The following RBPJ variants were observed in gnomAD, a reference collection of about 807,000 sequenced individuals.
RBPJ encodes recombination signal binding protein for immunoglobulin kappa J region, also known as recombining binding protein suppressor of hairless.
A neutral mutation model predicts 67.8 loss-of-function variants in RBPJ; 9 were observed. The ratio of observed to expected loss-of-function variants is 0.13; its 90% CI spans 0.08 to 0.23. RBPJ has a LOEUF of 0.23. Ranked by LOEUF, RBPJ falls within the 10% of genes least tolerant of loss-of-function variation. The pLI is 1.00. For missense variants in RBPJ, 305 were observed against 595.6 expected (o/e 0.51, Z 5.08); for synonymous variants, 198 against 203.3 (o/e 0.97, Z 0.22).
intron 1 of RBPJ, among the ~76,000 whole-genome samples, chr4:26,369,605 T>C (rs1280518448): frequency 2.0e-5 from 3 of 152,226 alleles, no homozygotes; most frequent in Non-Finnish European, 4.4e-5. Flanking sequence ...ATTATTTGAT[T>C]GTGATCTATG....
intron 1 of RBPJ, among the ~76,000 whole-genome samples, chr4:26,216,983 G>T (rs113859900): frequency 9.2e-4 from 140 of 152,250 alleles, no homozygotes; most frequent in African/African-American, 3.2e-3. Flanking sequence ...TTACACATGT[G>T]CTTTGTGGAG....
intron 1 of RBPJ, among the ~76,000 whole-genome samples, chr4:26,252,986 A>T (rs1038920895): frequency 7.9e-5 from 12 of 152,312 alleles, no homozygotes; most frequent in Middle Eastern, 3.4e-3. Flanking sequence ...TACCAAACTT[A>T]CATGTTTGCT....
chr4:26,286,915 T>C (rs933845513), intron 1 of RBPJ, among the ~76,000 whole-genome samples: 3 of 151,924 alleles, frequency 2.0e-5, no homozygotes, highest in Admixed American at 1.3e-4. Flanking sequence ...GCTTCCCAAG[T>C]AGCTGGGATC....
chr4:26,164,507 C>T (rs573089762), intron 1 of RBPJ, among the ~76,000 whole-genome samples: 5 of 152,306 alleles, frequency 3.3e-5, no homozygotes, highest in African/African-American at 1.2e-4. Context: ...CACTGTCTGC[C>T]AATTTTTATT....
At chr4:26,198,236 A>G (rs1260935018) in intron 1 of RBPJ, among the ~76,000 whole-genome samples, 1 of 150,248 alleles carries the variant, frequency 6.7e-6, no homozygotes, top group Non-Finnish European at 1.5e-5. Context: ...CTTGGGCAAC[A>G]AGAGCGAAAC....
chr4:26,167,397 AG>A (rs1716361197), intron 1 of RBPJ, among the ~76,000 whole-genome samples: 1 of 149,110 alleles, frequency 6.7e-6, no homozygotes, highest in African/African-American at 2.5e-5. Flanking sequence ...TTCATTGAGC[AG>A]TGGTTTGTAG....
intron 1 of RBPJ, among the ~76,000 whole-genome samples, chr4:26,205,418 T>G (rs557512323): frequency 7.9e-5 from 12 of 152,226 alleles, no homozygotes; most frequent in Admixed American, 5.9e-4. Flanking sequence ...GATTCCTTTT[T>G]AGCTTTTCTT....
chr4:26,150,755 A>G, the RBPJ span, among the ~76,000 whole-genome samples: 6 of 152,192 alleles, frequency 3.9e-5, no homozygotes, highest in African/African-American at 7.2e-5. Flanking sequence ...AAGCAGGAGC[A>G]CATACCCCGG....
chr4:26,111,013 A>G, the RBPJ span, among the ~76,000 whole-genome samples: 1 of 151,950 alleles, frequency 6.6e-6, no homozygotes, highest in East Asian at 1.9e-4. Flanking sequence ...GCAACTAAGA[A>G]CTCTTACCAA....
At chr4:26,415,144 A>G (rs1734435694) in intron 3 of RBPJ, among the ~76,000 whole-genome samples, 1 of 152,146 alleles carries the variant, frequency 6.6e-6, no homozygotes, top group Non-Finnish European at 1.5e-5. Flanking sequence ...GTGTTTTGTA[A>G]TATGTTAGAG....
intron 1 of RBPJ, among the ~76,000 whole-genome samples, chr4:26,353,933 G>A (rs920636706): frequency 3.3e-5 from 5 of 149,670 alleles, no homozygotes; most frequent in African/African-American, 9.8e-5. Flanking sequence ...TTGTTTTTTT[G>A]TTTGTTTGTT....
chr4:26,220,930 T>G (rs1274217541), intron 1 of RBPJ, among the ~76,000 whole-genome samples: 1 of 152,246 alleles, frequency 6.6e-6, no homozygotes, highest in African/African-American at 2.4e-5. Context: ...ATTTTGGCCC[T>G]TAATCCTATA....
At chr4:26,245,258 G>A (rs984121704) in intron 1 of RBPJ, among the ~76,000 whole-genome samples, 1 of 145,236 alleles carries the variant, frequency 6.9e-6, no homozygotes, top group African/African-American at 2.6e-5. Flanking sequence ...ACACAGGCTG[G>A]AGTCCAGTGG....
upstream of RBPJ, chr4:26,320,033 G>C (rs902119530): frequency 1.3e-5 from 9 of 677,354 alleles, no homozygotes; most frequent in Non-Finnish European, 2.3e-5. Flanking sequence ...CAGGCCCTCG[G>C]GTGGCCCGGT....
At chr4:26,127,220 C>T in the RBPJ span, among the ~76,000 whole-genome samples, 4 of 152,294 alleles carry the variant, frequency 2.6e-5, no homozygotes, top group South Asian at 2.1e-4. Flanking sequence ...AAGAGGAATC[C>T]GGGCAGCACA....
chr4:26,422,569 C>T (rs915625392), intron 5 of RBPJ, among the ~76,000 whole-genome samples: 1 of 151,904 alleles, frequency 6.6e-6, no homozygotes, highest in Admixed American at 6.6e-5. Flanking sequence ...TGTTTGCTTT[C>T]TTTTCATTTT....
chr4:26,192,131 C>T (rs1258401561), intron 1 of RBPJ, among the ~76,000 whole-genome samples: 11 of 151,986 alleles, frequency 7.2e-5, no homozygotes, highest in African/African-American at 2.7e-4. Context: ...ACCTCAGCCT[C>T]CCAAGTAGCT....
chr4:26,114,327 C>T, the RBPJ span, among the ~76,000 whole-genome samples: 2 of 151,560 alleles, frequency 1.3e-5, no homozygotes, highest in Admixed American at 6.6e-5. Context: ...GGCATGGTGG[C>T]GTGTGCCTAT....
rs1719756445 is a variant in RBPJ at position 26,244,176 on chromosome 4, CATATATGTATACATATATGTGTCT to C, written c.-167+80576_-167+80599del. ...ATATATGTATATATATATGTATACA[CATATATGTATACATATATGTGTCT>C]ATATATGTATACACATATGTGTACA... On this transcript the variant is annotated intron_variant, in intron 1 of 4. Coordinates refer to the RBPJ transcript ENST00000512351. 3.4e-5 allele frequency among the ~76,000 whole-genome samples: 5 copies of C among 146,400 alleles called. No individual in the cohort carries two copies. The South Asian group carries it at 8.6e-4, about 25-fold the overall frequency.
Sources: gnomAD v4.1 joint callset for allele counts (sites outside exome capture counted in the v4.1 genomes callset) on GRCh38, gnomAD v4.1.1 for gene constraint, MANE v1.5 for transcripts, NCBI Gene and HGNC (gene_info 2026-07-23, HGNC 2026-07-21) for gene names.